The following GSN variants were observed in gnomAD, a reference collection of about 807,000 sequenced individuals.
GSN encodes the protein actin-depolymerizing factor.
In GSN, 56 loss-of-function variants were observed where a neutral mutation model predicts 85.7. That is an observed-to-expected ratio of 0.65 (90% confidence interval 0.53 to 0.82). The LOEUF is 0.82. Among genes scored for constraint, GSN ranks in the 40% least tolerant of loss-of-function variants. The probability of loss-of-function intolerance (pLI) is 0.00; values close to 1 mark genes in which losing one functional copy is unlikely to be tolerated. For synonymous variants in GSN, 373 were observed against 399.1 expected (o/e 0.93, Z 0.78); for missense variants, 857 against 979.8 (o/e 0.87, Z 1.67).
intron 2 of GSN, chr9:121,286,897 A>T (rs2058156868): frequency 2.8e-6 from 2 of 725,106 alleles, no homozygotes; most frequent in South Asian, 3.2e-5. Context: ...AAAAGGAGAC[A>T]ATGCCAGCCA....
At chr9:121,214,190 T>C (rs961876238) in intron 4 of GSN, among the ~76,000 whole-genome samples, 4 of 151,444 alleles carry the variant, frequency 2.6e-5, no homozygotes, top group Admixed American at 6.6e-5. Flanking sequence ...TCCTCCTTTC[T>C]TTCCTTCCTT....
intron 6 of GSN, among the ~76,000 whole-genome samples, chr9:121,259,864 T>C (rs1261111745): frequency 6.6e-6 from 1 of 152,218 alleles, no homozygotes; most frequent in Non-Finnish European, 1.5e-5. Flanking sequence ...ATTTAACTGC[T>C]TTTCTTCTTC....
chr9:121,293,733 C>T (rs1055025281), intron 2 of GSN, among the ~76,000 whole-genome samples: 2 of 151,718 alleles, frequency 1.3e-5, no homozygotes, highest in Admixed American at 6.6e-5. Context: ...ATTTTTAACC[C>T]TATCTTACAT....
chr9:121,240,027 G>C (rs548733433), intron 5 of GSN: 1 of 157,274 alleles, frequency 6.4e-6, no homozygotes, highest in African/African-American at 2.4e-5. Flanking sequence ...AGCGGGCTTG[G>C]GTAGTTTGGG....
chr9:121,303,033 C>G lies in GSN; in HGVS notation c.319C>G (p.Leu107Val). The G allele has an allele frequency of 1.2e-6, 2 of 1,613,846 alleles. No individual in the cohort carries two copies. Among genetic ancestry groups the G allele is most frequent in the Non-Finnish European group, 1.7e-6 (2 of 1,179,972 alleles). Residue 107 changes from leucine to valine, a missense_variant, in exon 4 of 18, where the codon CTA becomes GTA. Leu to Val is a conservative substitution (Grantham distance 32). Transcript: ENST00000432226. ...EVQGFESATF[L>V]GYFKSGLKYK... Reference sequence around the variant, plus strand: ...CCAGGGCTTCGAGTCGGCCACCTTCCTAGGCTACTTCAAGTCTGGCCTGAA... The same window carrying G: ...CCAGGGCTTCGAGTCGGCCACCTTCGTAGGCTACTTCAAGTCTGGCCTGAA...
At chr9:121,303,127 C>G (rs2060067384) in intron 4 of GSN, 62 bp downstream of exon 4, 5 of 1,522,974 alleles carry the variant, frequency 3.3e-6, no homozygotes, top group East Asian at 2.2e-5. Context: ...AGGGCTCACT[C>G]AGGCCCATCT....
At chr9:121,254,137 C>A (rs748418192) in intron 6 of GSN, among the ~76,000 whole-genome samples, 2 of 152,150 alleles carry the variant, frequency 1.3e-5, no homozygotes, top group African/African-American at 4.8e-5. Flanking sequence ...GAAAAAAGAT[C>A]ATTTCCTTTT....
In GSN at chr9:121,332,352, T is replaced by A; in HGVS notation, c.2027-82T>A. 1.6e-6 allele frequency: 2 copies of A among 1,244,256 alleles called. No individual in the cohort carries two copies. The highest frequency in any genetic ancestry group is 2.4e-6 in the Non-Finnish European group (2 of 842,444). The allele number at this position is 1,244,256 out of a possible 1,614,324, so 77.1% of individuals were successfully genotyped here. A position where few individuals can be genotyped will look rare whatever the true frequency, so the allele number is the denominator to read the frequency against. ...ACCATAGACCCTCTTCTTTGTCAACTCCTGTCCTGAGTCACCCTCTCCCTG... is the reference window on the plus strand; with the variant it reads ...ACCATAGACCCTCTTCTTTGTCAACACCTGTCCTGAGTCACCCTCTCCCTG... On this transcript the variant is annotated intron_variant, in intron 17 of 17. Transcript: ENST00000432226. This position sits in a 1 kb window ranked among gnomAD's most constrained non-coding sequence, Gnocchi z 4.8.
chr9:121,242,665 T>G (rs2054627592), intron 5 of GSN, among the ~76,000 whole-genome samples: 1 of 152,202 alleles, frequency 6.6e-6, no homozygotes, highest in Non-Finnish European at 1.5e-5. Context: ...TTTCATTCCT[T>G]GACAGCGCAG....
intron 2 of GSN, among the ~76,000 whole-genome samples, chr9:121,298,780 A>C (rs764834898): frequency 6.6e-6 from 1 of 152,152 alleles, no homozygotes; most frequent in Non-Finnish European, 1.5e-5. Flanking sequence ...GAGCAGTTGG[A>C]TTCTGTGCAG....
chr9:121,313,087 C>G (rs1488670974), intron 6 of GSN: 1 of 153,992 alleles, frequency 6.5e-6, no homozygotes, highest in East Asian at 1.9e-4. Flanking sequence ...AGGGCCAGGT[C>G]CTCTGCAGAG....
At chr9:121,207,706 T>G (rs1374491111), upstream of GSN, 1 of 152,132 alleles carries the variant, frequency 6.6e-6, no homozygotes, top group Non-Finnish European at 1.5e-5. Context: ...GTTTTGAGAC[T>G]CAAACTGACT....
intron 2 of GSN, among the ~76,000 whole-genome samples, chr9:121,291,367 C>CGGGA (rs1357904561): frequency 6.6e-6 from 1 of 151,398 alleles, no homozygotes; most frequent in African/African-American, 2.4e-5. Flanking sequence ...CAACTGATCC[C>CGGGA]GCGTGGATAG....
chr9:121,233,827 G>A (rs2054439539), intron 5 of GSN, among the ~76,000 whole-genome samples: 1 of 152,224 alleles, frequency 6.6e-6, no homozygotes. Context: ...GAGAGCAGAT[G>A]TTAGGTGTCA....
At chr9:121,279,272 GAGAGATTTGTTA>G (rs1375539938) in intron 1 of GSN, among the ~76,000 whole-genome samples, 6 of 152,186 alleles carry the variant, frequency 3.9e-5, no homozygotes, top group African/African-American at 7.2e-5. Flanking sequence ...GAAGAATGTG[GAGAGATTTGTTA>G]AGGATCTTGG....
At chr9:121,306,857 G>A (rs546630671) in intron 4 of GSN, among the ~76,000 whole-genome samples, 2 of 152,312 alleles carry the variant, frequency 1.3e-5, no homozygotes, top group Non-Finnish European at 2.9e-5. Flanking sequence ...TAATCAGGCA[G>A]CTCATGGCTG....
At position 121,328,986 on chromosome 9, in the gene GSN, G is replaced by A. The variant is rs755089827; in HGVS notation, c.1858G>A (p.Ala620Thr). 9 of 1,613,938 alleles carry A rather than the reference G, an allele frequency of 5.6e-6. No individual in the cohort carries two copies. Among genetic ancestry groups the A allele is most frequent in the Non-Finnish European group, 7.6e-6 (9 of 1,180,022 alleles). The change falls in exon 15 of 18, where the codon GCC becomes ACC. Residue 620 changes from alanine (A) to threonine (T), a missense_variant. By Grantham distance (58) the Ala-to-Thr change is moderately conservative (BLOSUM62 0). Transcript: ENST00000432226. ...KMDAHPPRLF[A>T]CSNKIGRFVI... Reference sequence around the variant, plus strand: ...GGATGCCCATCCTCCTCGCCTCTTTGCCTGCTCCAACAAGATTGGACGTTT... The same window carrying A: ...GGATGCCCATCCTCCTCGCCTCTTTACCTGCTCCAACAAGATTGGACGTTT...
upstream of GSN, among the ~76,000 whole-genome samples, chr9:121,204,147 G>A (rs2053847274): frequency 2.0e-5 from 3 of 152,164 alleles, no homozygotes; most frequent in Admixed American, 2.0e-4. Context: ...ACCAGCAACT[G>A]TCCTAAGAAT....
Position 121,332,410 on chromosome 9 carries a change from C to G in GSN, c.2027-24C>G. On this transcript the variant is annotated intron_variant, in intron 17 of 17. Coordinates refer to ENST00000432226, the MANE Select transcript of GSN (RefSeq NM_198252.3). This position sits in a 1 kb window ranked among gnomAD's most constrained non-coding sequence, Gnocchi z 4.8. Reference sequence around the variant, plus strand: ...AGGCACTAAGAATTCCTGGGGTTTCCTTTTCTTGCACGTGTGTCTGCAGCT... The same window carrying G: ...AGGCACTAAGAATTCCTGGGGTTTCGTTTTCTTGCACGTGTGTCTGCAGCT... The G allele has an allele frequency of 6.2e-7, 1 of 1,612,418 alleles. No homozygotes were observed. Among genetic ancestry groups the G allele is most frequent in the Non-Finnish European group, 8.5e-7 (1 of 1,178,408 alleles).
Sources: allele counts gnomAD v4.1 joint callset (sites outside exome capture counted in the v4.1 genomes callset), GRCh38; gene constraint gnomAD v4.1.1; non-coding constraint Gnocchi (gnomAD v3.1); transcripts MANE v1.5; gene names NCBI Gene and HGNC (gene_info 2026-07-23, HGNC 2026-07-21).